CTNNA1: variants seen among roughly 807,000 people sequenced by gnomAD.
The protein encoded by CTNNA1 is catenin alpha-1.
CTNNA1 carries 37 observed loss-of-function variants against 98.4 expected under a neutral mutation model. The ratio of observed to expected loss-of-function variants is 0.38; its 90% CI spans 0.29 to 0.49. CTNNA1 has a LOEUF of 0.49. Among genes scored for constraint, CTNNA1 ranks in the 20% least tolerant of loss-of-function variants. The pLI is 0.95. For missense variants in CTNNA1, 761 were observed against 1,147.2 expected (o/e 0.66, Z 4.86); for synonymous variants, 404 against 413.2 (o/e 0.98, Z 0.27).
chr5:138,838,465 T>A (rs139066859), intron 7 of CTNNA1, among the ~76,000 whole-genome samples: 3 of 152,230 alleles, frequency 2.0e-5, no homozygotes, highest in Non-Finnish European at 2.9e-5. Flanking sequence ...TCTTTCTTTG[T>A]CAATCTGGCC....
chr5:138,871,204 T>A (rs1374598634), intron 7 of CTNNA1: 2 of 152,216 alleles, frequency 1.3e-5, no homozygotes, highest in Non-Finnish European at 2.9e-5. Context: ...ATCATGTTGA[T>A]GTTGATGTTG....
chr5:138,884,810 G>C (rs561224406), intron 7 of CTNNA1, among the ~76,000 whole-genome samples: 1 of 152,098 alleles, frequency 6.6e-6, no homozygotes, highest in Admixed American at 6.6e-5. Context: ...CCATTCAGTT[G>C]GTTGGTTGAC....
intron 10 of CTNNA1, among the ~76,000 whole-genome samples, chr5:138,912,464 A>G (rs1278552702): frequency 6.6e-6 from 1 of 152,242 alleles, no homozygotes; most frequent in Non-Finnish European, 1.5e-5. Flanking sequence ...AAAATCCAAC[A>G]TCCATTCCTG....
chr5:138,916,519 C>G (rs1030463737), intron 10 of CTNNA1, among the ~76,000 whole-genome samples: 1 of 151,136 alleles, frequency 6.6e-6, no homozygotes, highest in Admixed American at 6.6e-5. Context: ...CGAGCCACCA[C>G]GCCCAGCTTG....
intron 9 of CTNNA1, among the ~76,000 whole-genome samples, chr5:138,892,588 C>T (rs111906732): frequency 6.6e-5 from 10 of 151,618 alleles, no homozygotes; most frequent in East Asian, 1.9e-4. Flanking sequence ...GTGATTCGCC[C>T]GCCTCGGCCT....
intron 11 of CTNNA1, among the ~76,000 whole-genome samples, chr5:138,923,984 G>A (rs537932096): frequency 6.6e-6 from 1 of 152,242 alleles, no homozygotes; most frequent in South Asian, 2.1e-4. Context: ...CACACCTCAG[G>A]GTCCTCTAGA....
At chr5:138,772,300 T>C (rs1411737212) in intron 1 of CTNNA1, among the ~76,000 whole-genome samples, 1 of 152,204 alleles carries the variant, frequency 6.6e-6, no homozygotes, top group Non-Finnish European at 1.5e-5. Context: ...GTTTAACTGT[T>C]TATTTAGTTC....
chr5:138,756,271 G>A (rs981970275), intron 1 of CTNNA1, among the ~76,000 whole-genome samples: 3 of 151,820 alleles, frequency 2.0e-5, no homozygotes, highest in African/African-American at 7.3e-5. Context: ...TCCTGACCTC[G>A]TGATCCACCT....
Position 138,873,698 on chromosome 5 carries a change from T to A in CTNNA1, c.1063-12514T>A. 1 of 1,614,036 alleles carries A rather than the reference T, an allele frequency of 6.2e-7. No homozygotes were observed. The highest frequency in any genetic ancestry group is 8.5e-7 in the Non-Finnish European group (1 of 1,179,902). On this transcript the variant is annotated intron_variant, in intron 7 of 17. Coordinates refer to ENST00000302763, the MANE Select transcript of CTNNA1 (RefSeq NM_001903.5). This position sits in a 1 kb window ranked among gnomAD's most constrained non-coding sequence, Gnocchi z 6.1. ...GATCTTGGAATCAAGGCTGTTTAAC[T>A]TGTTGTTATCCATGAGGAGTATTTT... is the stretch of plus-strand genomic sequence containing the variant.
intron 7 of CTNNA1, among the ~76,000 whole-genome samples, chr5:138,879,171 TAAAAAAAAAAAAA>T (rs35271091): frequency 2.5e-5 from 2 of 80,318 alleles, no homozygotes; most frequent in African/African-American, 1.0e-4. Flanking sequence ...ACTCCGTCTT[TAAAAAAAAAAAAA>T]AAAAAAAAAA....
intron 1 of CTNNA1, chr5:138,754,542 C>T (rs1751410335): frequency 6.6e-6 from 1 of 152,130 alleles, no homozygotes; most frequent in Non-Finnish European, 1.5e-5. Flanking sequence ...GAAGGAAATG[C>T]TTACATCATT....
At chr5:138,890,375 G>A (rs976960102) in intron 9 of CTNNA1, among the ~76,000 whole-genome samples, 1 of 152,198 alleles carries the variant, frequency 6.6e-6, no homozygotes, top group Non-Finnish European at 1.5e-5. Context: ...CATGTCAGCT[G>A]CAAGTTCTGG....
At chr5:138,902,708 C>T (rs942257546) in intron 9 of CTNNA1, among the ~76,000 whole-genome samples, 4 of 152,184 alleles carry the variant, frequency 2.6e-5, no homozygotes, top group East Asian at 1.9e-4. Flanking sequence ...CATGAGCCAC[C>T]GTGCCCGGTA....
At chr5:138,884,116 A>C (rs895983616) in intron 7 of CTNNA1, among the ~76,000 whole-genome samples, 1 of 152,238 alleles carries the variant, frequency 6.6e-6, no homozygotes, top group Non-Finnish European at 1.5e-5. Context: ...TTATAGGTAG[A>C]CATCAATCAA....
intron 13 of CTNNA1, among the ~76,000 whole-genome samples, chr5:138,927,145 C>A (rs1764240858): frequency 6.6e-6 from 1 of 152,194 alleles, no homozygotes; most frequent in African/African-American, 2.4e-5. Flanking sequence ...GTTCCCTGTT[C>A]CCATCCTGGG....
chr5:138,910,079 C>T (rs1312233754), intron 10 of CTNNA1, among the ~76,000 whole-genome samples: 1 of 152,116 alleles, frequency 6.6e-6, no homozygotes, highest in African/African-American at 2.4e-5. Flanking sequence ...CTGTATCCTC[C>T]CATCTCTACC....
At chr5:138,900,115 AT>A (rs1757718019) in intron 9 of CTNNA1, among the ~76,000 whole-genome samples, 1 of 152,198 alleles carries the variant, frequency 6.6e-6, no homozygotes, top group Admixed American at 6.5e-5. Flanking sequence ...TATGACCTGC[AT>A]TTGGGACTTT....
At chr5:138,906,833 C>G (rs1225130666) in intron 10 of CTNNA1, among the ~76,000 whole-genome samples, 2 of 152,170 alleles carry the variant, frequency 1.3e-5, no homozygotes, top group Non-Finnish European at 2.9e-5. Context: ...CTCATTGCTA[C>G]TCTTGCTCAC....
chr5:138,924,085 G>A (rs1763464967), intron 11 of CTNNA1, among the ~76,000 whole-genome samples: 1 of 152,196 alleles, frequency 6.6e-6, no homozygotes, highest in African/African-American at 2.4e-5. Flanking sequence ...AGCATCTCCT[G>A]GAAGGAGAGG....
Sources: gnomAD v4.1 joint callset for allele counts (sites outside exome capture counted in the v4.1 genomes callset) on GRCh38, gnomAD v4.1.1 for gene constraint, Gnocchi (gnomAD v3.1) non-coding constraint, MANE v1.5 for transcripts, NCBI Gene and HGNC (gene_info 2026-07-23, HGNC 2026-07-21) for gene names.